The following BBS9 variants were observed in gnomAD, a reference collection of about 807,000 sequenced individuals.
BBS9 encodes Bardet-Biedl syndrome 9.
BBS9 carries 89 observed loss-of-function variants against 117.7 expected under a neutral mutation model. That is an observed-to-expected ratio of 0.76 (90% CI 0.64 to 0.90). The LOEUF is 0.90. Among genes scored for constraint, BBS9 ranks in the 40% least tolerant of loss-of-function variants. The pLI, the probability that BBS9 is intolerant of heterozygous loss-of-function variation, is 0.00. For missense variants in BBS9, 982 were observed against 1,042.2 expected, an observed-to-expected ratio of 0.94 and a Z score of 0.80; for synonymous variants, 379 against 370.9, an observed-to-expected ratio of 1.02 and a Z score of -0.25.
intron 21 of BBS9, among the ~76,000 whole-genome samples, chr7:33,540,925 C>T (rs550638837): frequency 2.0e-5 from 3 of 152,290 alleles, no homozygotes; most frequent in East Asian, 3.9e-4. Flanking sequence ...TCCATAATTT[C>T]GCACTTTGCT....
At chr7:33,366,218 C>T (rs1016570835) in intron 16 of BBS9, among the ~76,000 whole-genome samples, 1 of 152,178 alleles carries the variant, frequency 6.6e-6, no homozygotes, top group Non-Finnish European at 1.5e-5. Context: ...ATGCTGGTGT[C>T]TTCTGTGAAG....
chr7:33,288,407 G>A (rs1399812027), intron 9 of BBS9, among the ~76,000 whole-genome samples: 1 of 152,118 alleles, frequency 6.6e-6, no homozygotes, highest in African/African-American at 2.4e-5. Context: ...TGGCAAGACT[G>A]TAACAGTTTC....
At chr7:33,488,148 T>C (rs543519596) in intron 19 of BBS9, among the ~76,000 whole-genome samples, 1 of 152,278 alleles carries the variant, frequency 6.6e-6, no homozygotes, top group South Asian at 2.1e-4. Context: ...CTCATATTAA[T>C]TTTTTTATGC....
At chr7:33,363,896 T>C (rs1034669780) in intron 16 of BBS9, among the ~76,000 whole-genome samples, 39 of 152,014 alleles carry the variant, frequency 2.6e-4, no homozygotes, top group Non-Finnish European at 5.0e-4. Flanking sequence ...AGATAAATTA[T>C]AGATGGTCAT....
At chr7:33,246,437 CT>C (rs1795345482) in intron 5 of BBS9, among the ~76,000 whole-genome samples, 1 of 151,630 alleles carries the variant, frequency 6.6e-6, no homozygotes, top group Admixed American at 6.6e-5. Flanking sequence ...AAATATTTAG[CT>C]TTTGAAGTTA....
intron 17 of BBS9, among the ~76,000 whole-genome samples, chr7:33,382,247 G>A (rs1584580616): frequency 6.6e-6 from 1 of 152,092 alleles, no homozygotes; most frequent in East Asian, 1.9e-4. Flanking sequence ...GGATCACGAG[G>A]TCAGGAGTTT....
chr7:33,431,805 A>G (rs1834513326), intron 19 of BBS9, among the ~76,000 whole-genome samples: 1 of 152,166 alleles, frequency 6.6e-6, no homozygotes, highest in Admixed American at 6.5e-5. Context: ...GTTTAATGGA[A>G]ATTACTCCTG....
At chr7:33,532,239 A>G (rs1247177897) in intron 20 of BBS9, among the ~76,000 whole-genome samples, 1 of 152,232 alleles carries the variant, frequency 6.6e-6, no homozygotes, top group African/African-American at 2.4e-5. Context: ...GGCCATGTGC[A>G]GAGGCCTAAG....
At chr7:33,441,121 G>A (rs767595278) in intron 19 of BBS9, among the ~76,000 whole-genome samples, 3 of 151,986 alleles carry the variant, frequency 2.0e-5, no homozygotes, top group Admixed American at 1.3e-4. Context: ...AGCAATAATC[G>A]AGTGGATATA....
rs1562889134 is a variant in BBS9, at chr7:33,257,532, T to C, written c.617+122T>C. 2.1e-5 allele frequency: 19 copies of C among 915,370 alleles called. 1 individual carries two copies. The highest frequency in any genetic ancestry group is 1.8e-4 in the South Asian group (13 of 72,844). 56.7% of individuals were successfully genotyped at this position (915,370 alleles called of 1,614,324 possible). On this transcript the variant is annotated intron_variant, in intron 6 of 22. Coordinates refer to ENST00000242067, the MANE Select transcript of BBS9 (RefSeq NM_198428.3). ...AAAGAGATCGGTTTCTTTGAAAATA[T>C]GTGATTGTGGTGACTTAGACTATAT...
intron 21 of BBS9, among the ~76,000 whole-genome samples, chr7:33,621,847 C>G (rs1329783337): frequency 2.0e-5 from 3 of 152,280 alleles, no homozygotes; most frequent in South Asian, 4.1e-4. Flanking sequence ...GAAATCCTGT[C>G]ATTTGTGAAA....
intron 16 of BBS9, among the ~76,000 whole-genome samples, chr7:33,358,686 T>G (rs960424804): frequency 3.9e-5 from 6 of 152,008 alleles, no homozygotes; most frequent in African/African-American, 1.4e-4. Flanking sequence ...ATGTCATTAA[T>G]TTTCTTGATG....
intron 5 of BBS9, among the ~76,000 whole-genome samples, chr7:33,209,377 G>T (rs1194786957): frequency 6.6e-6 from 1 of 152,078 alleles, no homozygotes; most frequent in Non-Finnish European, 1.5e-5. Context: ...CTAAATCTTG[G>T]CTATTGTGAA....
chr7:33,164,634 C>T (rs972424172), intron 4 of BBS9, among the ~76,000 whole-genome samples: 1 of 152,106 alleles, frequency 6.6e-6, no homozygotes, highest in African/African-American at 2.4e-5. Context: ...TCTGTTTTAT[C>T]AGAGACTAGG....
At chr7:33,268,211 C>T (rs1799142770) in intron 7 of BBS9, among the ~76,000 whole-genome samples, 1 of 152,158 alleles carries the variant, frequency 6.6e-6, no homozygotes. Context: ...CTTTCCCTGG[C>T]CTTGTGTGGT....
chr7:33,297,856 A>G (rs1012024343), intron 9 of BBS9, among the ~76,000 whole-genome samples: 2 of 152,192 alleles, frequency 1.3e-5, no homozygotes, highest in African/African-American at 2.4e-5. Context: ...CATCTTATTG[A>G]AAACTTCTTG....
chr7:33,172,262 T>C (rs1047723908), intron 4 of BBS9, among the ~76,000 whole-genome samples: 4 of 151,962 alleles, frequency 2.6e-5, no homozygotes, highest in African/African-American at 9.7e-5. Flanking sequence ...GCGCCTGTAG[T>C]CCCAGCTACT....
intron 5 of BBS9, among the ~76,000 whole-genome samples, chr7:33,206,952 A>G (rs1200377627): frequency 6.6e-6 from 1 of 152,160 alleles, no homozygotes; most frequent in Non-Finnish European, 1.5e-5. Flanking sequence ...TGAAGAATAT[A>G]GTCTCCCATA....
At chr7:33,302,124 A>T (rs1200010551) in intron 9 of BBS9, among the ~76,000 whole-genome samples, 1 of 151,928 alleles carries the variant, frequency 6.6e-6, no homozygotes, top group Non-Finnish European at 1.5e-5. Context: ...TAGTTGTATT[A>T]TTAGATTTTT....
Sources: allele counts gnomAD v4.1 joint callset (sites outside exome capture counted in the v4.1 genomes callset), GRCh38; gene constraint gnomAD v4.1.1; transcripts MANE v1.5; gene names NCBI Gene and HGNC (gene_info 2026-07-23, HGNC 2026-07-21).